Variants in RYR1 observed in about 807,000 individuals in gnomAD.
The protein encoded by RYR1 is central core disease of muscle.
Under a neutral mutation model 583.5 loss-of-function variants are expected in RYR1, and 342 were observed. The observed-to-expected ratio is 0.59, with a 90% CI of 0.54 to 0.64. The LOEUF is 0.64. Among genes scored for constraint, RYR1 ranks in the 30% least tolerant of loss-of-function variants. RYR1 has a pLI of 0.00. For missense variants in RYR1, 6,032 were observed against 6,917.2 expected (o/e 0.87, Z 4.54); for synonymous variants, 2,791 against 2,822.5 (o/e 0.99, Z 0.35).
intron 27 of RYR1, among the ~76,000 whole-genome samples, chr19:38,470,034 C>T (rs1205755507): frequency 5.3e-5 from 8 of 152,092 alleles, no homozygotes; most frequent in Admixed American, 5.2e-4. Flanking sequence ...GATGTGGTGG[C>T]ACATGCCTGT....
rs1323309560 is a variant in RYR1, at chr19:38,535,345, G to A, written c.11469G>A (p.Lys3823=). Residue 3823 remains lysine, a synonymous_variant, in exon 81 of 106, where the codon AAG becomes AAA. Transcript: ENST00000359596. ...QKMLDYLKDK[K]EVGFFQSIQA... Reference sequence around the variant, plus strand: ...TGCTGGATTATCTTAAGGACAAGAAGGAAGTTGGCTTCTTCCAGAGTATCC... The same window carrying A: ...TGCTGGATTATCTTAAGGACAAGAAAGAAGTTGGCTTCTTCCAGAGTATCC... The A allele has an allele frequency of 8.7e-6, 14 of 1,614,046 alleles. No individual in the cohort carries two copies. The highest frequency in any genetic ancestry group is 1.1e-5 in the Non-Finnish European group (13 of 1,180,032).
intron 58 of RYR1, among the ~76,000 whole-genome samples, chr19:38,509,631 G>C: frequency 6.6e-6 from 1 of 151,556 alleles, no homozygotes; most frequent in Non-Finnish European, 1.5e-5. Flanking sequence ...TTTTGTGTTT[G>C]TATTTTTAGT....
intron 104 of RYR1, 22 bp from the exon 105 acceptor site, chr19:38,586,503 C>T (rs1468852411): frequency 6.2e-7 from 1 of 1,612,250 alleles, no homozygotes; most frequent in Non-Finnish European, 8.5e-7. Context: ...TGACTTGTCT[C>T]CTGTGGTCCT....
intron 11 of RYR1, among the ~76,000 whole-genome samples, chr19:38,449,817 G>A (rs529260794): frequency 6.6e-6 from 1 of 152,212 alleles, no homozygotes; most frequent in African/African-American, 2.4e-5. Context: ...TGGAGTAGTG[G>A]TTGGTGAGGA....
rs1462581549 is a variant in RYR1, at chr19:38,543,109, T to G, written c.11690-238T>G. Among the ~76,000 whole-genome samples, 14 of 152,326 alleles carry G rather than the reference T, an allele frequency of 9.2e-5. No individual in the cohort carries two copies. Among genetic ancestry groups the G allele is most frequent in the Non-Finnish European group, 1.6e-4 (11 of 68,040 alleles). ...TGCCTGCCTGGGCCTCCCAAAGTGC[T>G]GGAATTACAGGCGTGAGCCACCCGG... On this transcript the variant is annotated intron_variant, in intron 84 of 105. Transcript: ENST00000359596. The surrounding 1 kb of genome is among the most constrained non-coding windows in gnomAD (Gnocchi z 4.4).
rs1468000629 is a variant in RYR1 at position 38,469,160 on chromosome 19, C to T, written c.3556+20C>T. 1 of 1,613,974 alleles carries T rather than the reference C, an allele frequency of 6.2e-7. No individual in the cohort carries two copies. The highest frequency in any genetic ancestry group is 1.7e-5 in the Admixed American group (1 of 60,020). On this transcript the variant is annotated intron_variant, in intron 26 of 105. Transcript: ENST00000359596. ...GGGACGGTGAGGGCTGAGACCCCTT[C>T]ACATGCCCTTTCTTGTTTTCCTCTG...
chr19:38,563,928 G>A (rs1411582500), intron 90 of RYR1, among the ~76,000 whole-genome samples: 3 of 152,212 alleles, frequency 2.0e-5, no homozygotes, highest in Non-Finnish European at 2.9e-5. Flanking sequence ...CTATAAAATG[G>A]GAAGAAAACC....
At chr19:38,455,854 C>T (rs1967348432) in intron 16 of RYR1, 103 bp downstream of exon 16, 1 of 772,000 alleles carries the variant, frequency 1.3e-6, no homozygotes, top group Non-Finnish European at 2.3e-6. Context: ...TCCTCCATCT[C>T]ATCTCTCACC....
intron 28 of RYR1, 48 bp downstream of exon 28, chr19:38,473,819 C>T: frequency 2.9e-6 from 4 of 1,403,474 alleles, no homozygotes; most frequent in Non-Finnish European, 3.8e-6. Flanking sequence ...GCCTTGGGAC[C>T]CCCAAGTAGG....
chr19:38,496,129 A>G lies in RYR1; in HGVS notation c.6549-86A>G. On this transcript the variant is annotated intron_variant, in intron 39 of 105. Coordinates refer to ENST00000359596, the MANE Select transcript of RYR1 (RefSeq NM_000540.3). The surrounding 1 kb of genome is among the most constrained non-coding windows in gnomAD (Gnocchi z 4.8). ...GTGCTAGGCACAGAGTGAGAGGGTCAAGAATGCCAACGCTGTCACAGTGGT... is the reference window on the plus strand; with the variant it reads ...GTGCTAGGCACAGAGTGAGAGGGTCGAGAATGCCAACGCTGTCACAGTGGT... 9.1e-7 allele frequency: 1 copy of G among 1,104,106 alleles called. No individual in the cohort carries two copies. Among genetic ancestry groups the G allele is most frequent in the Non-Finnish European group, 1.4e-6 (1 of 727,538 alleles). The allele number at this position is 1,104,106 out of a possible 1,614,324, so 68.4% of individuals were successfully genotyped here.
At chr19:38,554,719 T>C (rs1191669517) in intron 89 of RYR1, among the ~76,000 whole-genome samples, 1 of 152,058 alleles carries the variant, frequency 6.6e-6, no homozygotes, top group African/African-American at 2.4e-5. Context: ...GGGATCCTCC[T>C]GCCTCAGCCT....
Position 38,526,738 on chromosome 19 carries a change from T to C in RYR1, c.10627-255T>C, listed in dbSNP as rs2254484. On this transcript the variant is annotated intron_variant, in intron 71 of 105. Transcript: ENST00000359596. ...TTTGATGAGATCCTCTTGTCACCCTTTGCCTCTTCCCAGACCTCCACGAGG... is the reference window on the plus strand; with the variant it reads ...TTTGATGAGATCCTCTTGTCACCCTCTGCCTCTTCCCAGACCTCCACGAGG... 0.28 allele frequency among the ~76,000 whole-genome samples: 42,574 copies of C among 151,842 alleles called. 6,636 individuals carry two copies. The highest frequency in any genetic ancestry group is 0.4 in the African/African-American group (16,749 of 41,360).
chr19:38,575,123 G>A (rs949740814), intron 96 of RYR1, among the ~76,000 whole-genome samples: 1 of 152,100 alleles, frequency 6.6e-6, no homozygotes, highest in African/African-American at 2.4e-5. Flanking sequence ...TGAATAAAGG[G>A]CCAGAATCAT....
chr19:38,482,951 C>G, intron 31 of RYR1, 76 bp from the exon 32 acceptor site: 1 of 1,307,642 alleles, frequency 7.6e-7, no homozygotes, highest in Admixed American at 1.7e-5. Context: ...CAAATTGGCC[C>G]CAGAGTTTGA....
chr19:38,457,347 T>C, intron 16 of RYR1, 150 bp from the exon 17 acceptor site: 1 of 1,090,764 alleles, frequency 9.2e-7, no homozygotes, highest in South Asian at 1.3e-5. Flanking sequence ...ATCCCTGACC[T>C]TCCACTTTCA....
intron 92 of RYR1, 134 bp downstream of exon 92, chr19:38,567,121 A>G: frequency 7.2e-7 from 1 of 1,393,750 alleles, no homozygotes; most frequent in Non-Finnish European, 9.8e-7. Flanking sequence ...AGACTCAGGC[A>G]CGGAGGAGGG....
intron 47 of RYR1, among the ~76,000 whole-genome samples, chr19:38,501,757 G>C (rs1970131959): frequency 6.6e-6 from 1 of 152,182 alleles, no homozygotes; most frequent in South Asian, 2.1e-4. Flanking sequence ...GCCGAGGCGG[G>C]TGGGTTGCTT....
At chr19:38,488,839 A>G (rs1260042672) in intron 34 of RYR1, among the ~76,000 whole-genome samples, 2 of 152,212 alleles carry the variant, frequency 1.3e-5, no homozygotes, top group Non-Finnish European at 2.9e-5. Context: ...GAGCTGGTGT[A>G]TGCTGGGAGC....
At chr19:38,574,013 C>T (rs1468503335) in intron 96 of RYR1, among the ~76,000 whole-genome samples, 1 of 151,964 alleles carries the variant, frequency 6.6e-6, no homozygotes, top group African/African-American at 2.4e-5. Context: ...GCCAAGGTGG[C>T]AGATCACTTG....
Sources: allele counts gnomAD v4.1 joint callset (sites outside exome capture counted in the v4.1 genomes callset), GRCh38; gene constraint gnomAD v4.1.1; non-coding constraint Gnocchi (gnomAD v3.1); transcripts MANE v1.5; gene names NCBI Gene and HGNC (gene_info 2026-07-23, HGNC 2026-07-21).